GLIS3: variants seen among roughly 807,000 people sequenced by gnomAD.
GLIS3 encodes GLIS family zinc finger 3, also known as zinc finger protein GLIS3.
A neutral mutation model predicts 78.6 loss-of-function variants in GLIS3; 53 were observed. The observed-to-expected ratio is 0.67, with a 90% CI of 0.54 to 0.85. The LOEUF (loss-of-function observed/expected upper bound fraction) is 0.85, where lower values mean the gene tolerates loss of function less well. GLIS3 is among the 40% of genes least tolerant of loss of function. The pLI is 0.00. For missense variants in GLIS3, 1,703 were observed against 1,231.1 expected (o/e 1.38, Z -5.74); for synonymous variants, 684 against 509.9 (o/e 1.34, Z -4.60).
At chr9:4,294,750 C>T (rs1263815607) in intron 1 of GLIS3, among the ~76,000 whole-genome samples, 3 of 152,196 alleles carry the variant, frequency 2.0e-5, no homozygotes, top group Non-Finnish European at 2.9e-5. Flanking sequence ...CCAGCCCTTA[C>T]ATGTACACAG....
the GLIS3 span, among the ~76,000 whole-genome samples, chr9:4,470,845 C>T: frequency 6.6e-6 from 1 of 151,698 alleles, no homozygotes; most frequent in African/African-American, 2.4e-5. Flanking sequence ...GATTGTATAT[C>T]TAGAAAACCC....
At chr9:4,189,802 G>A (rs996833561) in intron 2 of GLIS3, among the ~76,000 whole-genome samples, 1 of 151,972 alleles carries the variant, frequency 6.6e-6, no homozygotes, top group Non-Finnish European at 1.5e-5. Context: ...TTTTATCAGA[G>A]ACTAGGATTG....
intron 1 of GLIS3, among the ~76,000 whole-genome samples, chr9:4,347,540 G>C (rs1042805677): frequency 6.6e-6 from 1 of 152,190 alleles, no homozygotes; most frequent in African/African-American, 2.4e-5. Context: ...TGGAAGTGGA[G>C]CTCAGGAATC....
At chr9:4,078,480 G>C (rs1177760501) in intron 4 of GLIS3, among the ~76,000 whole-genome samples, 1 of 152,132 alleles carries the variant, frequency 6.6e-6, no homozygotes, top group African/African-American at 2.4e-5. Context: ...TGGCCTCAAG[G>C]CTCTCTGGAG....
At chr9:3,914,566 G>T (rs1296495597) in intron 6 of GLIS3, among the ~76,000 whole-genome samples, 1 of 152,078 alleles carries the variant, frequency 6.6e-6, no homozygotes, top group Non-Finnish European at 1.5e-5. Flanking sequence ...ATGTAAATGA[G>T]CAATCCTTCC....
chr9:4,145,132 G>A (rs1834117603), intron 2 of GLIS3: 1 of 152,194 alleles, frequency 6.6e-6, no homozygotes, highest in African/African-American at 2.4e-5. Context: ...TTAGACTTGG[G>A]CTCTGAAAAC....
At chr9:4,385,242 G>A in the GLIS3 span, among the ~76,000 whole-genome samples, 1 of 152,120 alleles carries the variant, frequency 6.6e-6, no homozygotes, top group Non-Finnish European at 1.5e-5. Context: ...TCCCTCTGCA[G>A]CTAAAAATTT....
At chr9:4,116,673 C>T (rs1831663936) in intron 4 of GLIS3, among the ~76,000 whole-genome samples, 1 of 152,166 alleles carries the variant, frequency 6.6e-6, no homozygotes, top group Non-Finnish European at 1.5e-5. Flanking sequence ...TCATCACTGA[C>T]ATACTACAGA....
intron 2 of GLIS3, among the ~76,000 whole-genome samples, chr9:4,268,003 G>C (rs1246199869): frequency 6.6e-6 from 1 of 151,780 alleles, no homozygotes; most frequent in South Asian, 2.1e-4. Context: ...ATATGTGTGT[G>C]AATATATACA....
At chr9:3,992,386 G>A (rs938100041) in intron 4 of GLIS3, among the ~76,000 whole-genome samples, 1 of 152,122 alleles carries the variant, frequency 6.6e-6, no homozygotes, top group Non-Finnish European at 1.5e-5. Flanking sequence ...TTGGGAATGA[G>A]GGCAATAAAG....
rs191869956 is a variant in GLIS3 at position 4,069,726 on chromosome 9, T to C, written c.1710+48042A>G. On this transcript the variant is annotated intron_variant, in intron 4 of 10. Coordinates refer to ENST00000381971, the MANE Select transcript of GLIS3 (RefSeq NM_001042413.2). The stretch of plus-strand genomic sequence containing the variant: ...GCATACTTACAGGGAAATTAAGCCA[T>C]TAAATTTAGTCAAGAGCCTTTTACA... 3.3e-5 allele frequency among the ~76,000 whole-genome samples: 5 copies of C among 152,226 alleles called. No homozygotes were observed. In the East Asian group the frequency reaches 9.7e-4, roughly 30 times the overall value.
the GLIS3 span, among the ~76,000 whole-genome samples, chr9:4,477,724 G>GT: frequency 3.9e-5 from 6 of 152,116 alleles, no homozygotes; most frequent in Non-Finnish European, 8.8e-5. Flanking sequence ...AGAGGTTAGT[G>GT]TTTAATGGGT....
chr9:4,261,797 T>C (rs141577089), intron 2 of GLIS3, among the ~76,000 whole-genome samples: 17 of 152,232 alleles, frequency 1.1e-4, no homozygotes, highest in Non-Finnish European at 2.2e-4. Flanking sequence ...CCCATGAAAA[T>C]AGGTCCTTTT....
intron 2 of GLIS3, among the ~76,000 whole-genome samples, chr9:4,181,235 T>C (rs1294046642): frequency 6.6e-6 from 1 of 152,248 alleles, no homozygotes. Flanking sequence ...CCCACCCATC[T>C]GCTGGACACT....
intron 1 of GLIS3, among the ~76,000 whole-genome samples, chr9:4,290,451 A>T (rs1563906588): frequency 6.6e-6 from 1 of 152,130 alleles, no homozygotes; most frequent in African/African-American, 2.4e-5. Context: ...CGCCTTTTCA[A>T]CATCGCTGCC....
At chr9:4,367,331 C>T in the GLIS3 span, among the ~76,000 whole-genome samples, 7 of 151,332 alleles carry the variant, frequency 4.6e-5, no homozygotes, top group Admixed American at 2.0e-4. Flanking sequence ...GACTTCCCTT[C>T]CCCACTTTCA....
At chr9:4,468,222 T>C in the GLIS3 span, among the ~76,000 whole-genome samples, 1 of 152,160 alleles carries the variant, frequency 6.6e-6, no homozygotes, top group African/African-American at 2.4e-5. Flanking sequence ...CAGGATATTA[T>C]CCAGGAGAAT....
At chr9:3,905,564 A>G (rs115899118) in intron 6 of GLIS3, among the ~76,000 whole-genome samples, 233 of 152,228 alleles carry the variant, frequency 1.5e-3, no homozygotes, top group African/African-American at 5.4e-3. Flanking sequence ...AATGCCTGCA[A>G]TTGACAAAAA....
chr9:4,322,291 G>C (rs896991970), intron 2 of GLIS3, among the ~76,000 whole-genome samples: 1 of 152,152 alleles, frequency 6.6e-6, no homozygotes, highest in Non-Finnish European at 1.5e-5. Flanking sequence ...ATGGACATTT[G>C]GGTTGGTTCG....
Sources: allele counts gnomAD v4.1 joint callset (sites outside exome capture counted in the v4.1 genomes callset), GRCh38; gene constraint gnomAD v4.1.1; transcripts MANE v1.5; gene names NCBI Gene and HGNC (gene_info 2026-07-23, HGNC 2026-07-21).